SLC44A5: variants seen among roughly 807,000 people sequenced by gnomAD.
SLC44A5 encodes the protein solute carrier family 44 member 5.
Under a neutral mutation model 101.8 loss-of-function variants are expected in SLC44A5, and 57 were observed. The observed-to-expected ratio is 0.56, with a 90% CI of 0.45 to 0.70. The LOEUF is 0.70. Among genes scored for constraint, SLC44A5 ranks in the 30% least tolerant of loss-of-function variants. The pLI, the probability that SLC44A5 is intolerant of heterozygous loss-of-function variation, is 0.00. For missense variants in SLC44A5, 737 were observed against 853.1 expected (o/e 0.86, Z 1.70); for synonymous variants, 281 against 290.9 (o/e 0.97, Z 0.35).
intron 5 of SLC44A5, among the ~76,000 whole-genome samples, chr1:75,296,552 A>G (rs1045523606): frequency 2.0e-5 from 3 of 151,966 alleles, no homozygotes; most frequent in Admixed American, 2.0e-4. Flanking sequence ...AATTTTTTTT[A>G]GCTAGATCAT....
intron 2 of SLC44A5, among the ~76,000 whole-genome samples, chr1:75,397,636 C>A (rs930646802): frequency 6.6e-6 from 1 of 152,112 alleles, no homozygotes; most frequent in Non-Finnish European, 1.5e-5. Context: ...TCACAACAAG[C>A]CTTGCAGTAG....
intron 5 of SLC44A5, among the ~76,000 whole-genome samples, chr1:75,297,317 C>A (rs1217031231): frequency 2.6e-5 from 4 of 152,284 alleles, no homozygotes; most frequent in South Asian, 4.1e-4. Context: ...CAAAGTCTGG[C>A]TCTATCACCC....
intron 3 of SLC44A5, among the ~76,000 whole-genome samples, chr1:75,388,365 A>G (rs909015677): frequency 2.0e-5 from 3 of 152,198 alleles, no homozygotes; most frequent in Non-Finnish European, 4.4e-5. Flanking sequence ...AAAACACATA[A>G]GTACATAGTC....
At chr1:75,282,712 A>C (rs1265831673) in intron 5 of SLC44A5, among the ~76,000 whole-genome samples, 3 of 152,070 alleles carry the variant, frequency 2.0e-5, no homozygotes, top group Admixed American at 2.0e-4. Flanking sequence ...CATGAGATCT[A>C]ATGGTTTTAT....
chr1:75,679,746 A>T, the SLC44A5 span, among the ~76,000 whole-genome samples: 9 of 152,292 alleles, frequency 5.9e-5, no homozygotes, highest in South Asian at 2.1e-4. Context: ...TGACAGGATC[A>T]AATTCACACA....
chr1:75,716,302 G>T, the SLC44A5 span, among the ~76,000 whole-genome samples: 3 of 151,248 alleles, frequency 2.0e-5, no homozygotes, highest in African/African-American at 7.3e-5. Context: ...AACATAAAGA[G>T]ATCCCACTTC....
chr1:75,532,870 T>C (rs1670799568), intron 2 of SLC44A5, among the ~76,000 whole-genome samples: 1 of 152,140 alleles, frequency 6.6e-6, no homozygotes, highest in Non-Finnish European at 1.5e-5. Flanking sequence ...CAAAAACCCA[T>C]CTCTACCAAA....
intron 23 of SLC44A5, among the ~76,000 whole-genome samples, chr1:75,209,252 G>A (rs747937808): frequency 4.6e-5 from 7 of 152,162 alleles, no homozygotes; most frequent in Non-Finnish European, 1.0e-4. Context: ...CCACATATTA[G>A]CCAAAACTTC....
At chr1:75,394,677 C>G (rs1662014387) in intron 3 of SLC44A5, among the ~76,000 whole-genome samples, 1 of 152,208 alleles carries the variant, frequency 6.6e-6, no homozygotes, top group South Asian at 2.1e-4. Flanking sequence ...TGGGTTAACA[C>G]CAATAACACT....
At chr1:75,632,178 T>A in the SLC44A5 span, among the ~76,000 whole-genome samples, 1 of 152,152 alleles carries the variant, frequency 6.6e-6, no homozygotes, top group Non-Finnish European at 1.5e-5. Flanking sequence ...ACTCTGAAAC[T>A]TTGTTCATAT....
In SLC44A5 at chr1:75,440,921, A is replaced by G. The variant is rs139383563; in HGVS notation, c.14-44300T>C. ...AATGATATTGGGAGGTTATAATACAAATATTAATATTAAATAATATATTAC... is the reference window on the plus strand; with the variant it reads ...AATGATATTGGGAGGTTATAATACAGATATTAATATTAAATAATATATTAC... On this transcript the variant is annotated intron_variant, in intron 2 of 23. Transcript: ENST00000370859. Among the ~76,000 whole-genome samples, 615 of 151,232 alleles carry G rather than the reference A, an allele frequency of 4.1e-3. 6 individuals are homozygous for G. Among genetic ancestry groups the G allele is most frequent in the African/African-American group, 0.014 (586 of 41,420 alleles).
chr1:75,352,216 A>G (rs1315987402), intron 3 of SLC44A5, among the ~76,000 whole-genome samples: 5 of 151,992 alleles, frequency 3.3e-5, no homozygotes, highest in Admixed American at 3.3e-4. Context: ...TTTTATCTTA[A>G]GTTTCAAGGT....
At chr1:75,454,704 A>C (rs1045317699) in intron 2 of SLC44A5, among the ~76,000 whole-genome samples, 2 of 152,172 alleles carry the variant, frequency 1.3e-5, no homozygotes, top group African/African-American at 4.8e-5. Context: ...TCAGGATACA[A>C]AATAAATGTA....
At chr1:75,367,802 T>C (rs572074176) in intron 3 of SLC44A5, among the ~76,000 whole-genome samples, 1 of 152,302 alleles carries the variant, frequency 6.6e-6, no homozygotes, top group African/African-American at 2.4e-5. Context: ...CTGTCATCAG[T>C]CTTAGGGTCT....
At chr1:75,444,233 C>G (rs1203408379) in intron 2 of SLC44A5, among the ~76,000 whole-genome samples, 1 of 150,798 alleles carries the variant, frequency 6.6e-6, no homozygotes, top group African/African-American at 2.4e-5. Flanking sequence ...AGGAGAATCA[C>G]TTGAACCTGG....
intron 1 of SLC44A5, among the ~76,000 whole-genome samples, chr1:75,606,516 C>A (rs547036668): frequency 2.0e-5 from 3 of 152,134 alleles, no homozygotes; most frequent in East Asian, 1.9e-4. Flanking sequence ...AAAAGCAAAT[C>A]TTTTTTCAAC....
the SLC44A5 span, among the ~76,000 whole-genome samples, chr1:75,695,432 C>T: frequency 6.6e-6 from 1 of 152,098 alleles, no homozygotes; most frequent in African/African-American, 2.4e-5. Flanking sequence ...GATAAACTAA[C>T]TCCTGGAGGT....
At chr1:75,340,844 G>A (rs576053119) in intron 3 of SLC44A5, among the ~76,000 whole-genome samples, 2 of 152,340 alleles carry the variant, frequency 1.3e-5, no homozygotes, top group South Asian at 4.1e-4. Flanking sequence ...GAGAAGCAGA[G>A]AAATCTGGCT....
intron 1 of SLC44A5, among the ~76,000 whole-genome samples, chr1:75,599,199 G>A (rs78508756): frequency 5.9e-5 from 9 of 152,240 alleles, no homozygotes; most frequent in Middle Eastern, 6.8e-3. Flanking sequence ...CAAAATGCTC[G>A]CATTGCTCAC....
Sources: gnomAD v4.1 joint callset for allele counts (sites outside exome capture counted in the v4.1 genomes callset) on GRCh38, gnomAD v4.1.1 for gene constraint, MANE v1.5 for transcripts, NCBI Gene and HGNC (gene_info 2026-07-23, HGNC 2026-07-21) for gene names.